KCTD1: variants seen among roughly 807,000 people sequenced by gnomAD.
The protein encoded by KCTD1 is potassium channel tetramerization domain containing 1, also known as BTB/POZ domain-containing protein KCTD1.
A neutral mutation model predicts 66.0 loss-of-function variants in KCTD1; 24 were observed. The observed-to-expected ratio is 0.36, with a 90% CI of 0.26 to 0.51. KCTD1 has a LOEUF of 0.51. Ranked by LOEUF, KCTD1 falls within the 20% of genes least tolerant of loss-of-function variation. KCTD1 has a pLI of 0.95. For synonymous variants in KCTD1, 511 were observed against 517.2 expected (o/e 0.99, Z 0.16); for missense variants, 943 against 1,205.2 (o/e 0.78, Z 3.22).
intron 1 of KCTD1, among the ~76,000 whole-genome samples, chr18:26,533,909 G>A (rs903886825): frequency 6.7e-6 from 1 of 149,974 alleles, no homozygotes; most frequent in African/African-American, 2.5e-5. Flanking sequence ...AATAATAAAA[G>A]TATAAGAGGT....
At chr18:26,536,314 GA>G (rs1984707443) in intron 1 of KCTD1, among the ~76,000 whole-genome samples, 1 of 152,220 alleles carries the variant, frequency 6.6e-6, no homozygotes, top group Non-Finnish European at 1.5e-5. Flanking sequence ...ACAACAGGGT[GA>G]ACATTTAGAG....
intron 1 of KCTD1, among the ~76,000 whole-genome samples, chr18:26,651,025 G>A (rs150770404): frequency 1.1e-4 from 17 of 152,342 alleles, no homozygotes; most frequent in Non-Finnish European, 2.2e-4. Context: ...GTACTTGTGA[G>A]CAAACGATTT....
At chr18:26,462,109 C>T (rs1444337704) in intron 3 of KCTD1, among the ~76,000 whole-genome samples, 1 of 152,238 alleles carries the variant, frequency 6.6e-6, no homozygotes, top group Non-Finnish European at 1.5e-5. Flanking sequence ...TCTAGGTTCA[C>T]AAGCCACTTG....
At chr18:26,527,281 T>C (rs1267372499) in intron 1 of KCTD1, among the ~76,000 whole-genome samples, 1 of 152,108 alleles carries the variant, frequency 6.6e-6, no homozygotes, top group Non-Finnish European at 1.5e-5. Flanking sequence ...GGAGAGCAAC[T>C]AACAGAAGAA....
chr18:26,542,812 A>T (rs1985036632), intron 1 of KCTD1, among the ~76,000 whole-genome samples: 1 of 152,216 alleles, frequency 6.6e-6, no homozygotes, highest in Non-Finnish European at 1.5e-5. Flanking sequence ...TTCATGGGTC[A>T]GCTTGAGTAC....
At chr18:26,531,843 C>T (rs1326941965) in intron 1 of KCTD1, among the ~76,000 whole-genome samples, 1 of 152,176 alleles carries the variant, frequency 6.6e-6, no homozygotes, top group Non-Finnish European at 1.5e-5. Context: ...TCTCATTCTC[C>T]AAAGCTAATC....
At chr18:26,631,219 A>G (rs551786537), upstream of KCTD1, among the ~76,000 whole-genome samples, 124 of 152,236 alleles carry the variant, frequency 8.1e-4, 1 homozygote, top group Non-Finnish European at 1.6e-3. Context: ...GGAAATTAAC[A>G]TATCATTACA....
chr18:26,514,071 TTATATCTTTTATTGTTCTAGAATATTAG>T (rs1983499715), intron 1 of KCTD1, among the ~76,000 whole-genome samples: 1 of 152,222 alleles, frequency 6.6e-6, no homozygotes, highest in African/African-American at 2.4e-5. Flanking sequence ...ATTTACTTAT[TTATATCTTTTATTGTTCTAGAATATTAG>T]TCTGAAAGCA....
At chr18:26,556,615 G>A (rs1380601546) in intron 1 of KCTD1, among the ~76,000 whole-genome samples, 1 of 152,242 alleles carries the variant, frequency 6.6e-6, no homozygotes, top group Non-Finnish European at 1.5e-5. Flanking sequence ...ATGCATCATA[G>A]TTCTTTCTTG....
At chr18:26,513,395 G>A (rs112756417) in intron 1 of KCTD1, among the ~76,000 whole-genome samples, 17 of 152,038 alleles carry the variant, frequency 1.1e-4, no homozygotes, top group East Asian at 7.7e-4. Context: ...CCTCCAGGGT[G>A]TATTATTTTT....
Position 26,548,537 on chromosome 18 carries a change from A to G in KCTD1, c.-1T>C. 8.1e-7 allele frequency: 1 copy of G among 1,229,918 alleles called. No individual in the cohort carries two copies. Among genetic ancestry groups the G allele is most frequent in the Non-Finnish European group, 1.0e-6 (1 of 989,792 alleles). The allele number at this position is 1,229,918 out of a possible 1,614,324, so 76.2% of individuals were successfully genotyped here. A position where few individuals can be genotyped will look rare whatever the true frequency, so the allele number is the denominator to read the frequency against. ...CCCCGCTGCCAGGCATTCTCGCCAT[A>G]TTGCCGTCTCTCTGCCAGTCCTCGG... On this transcript the variant is annotated 5_prime_UTR_variant, in exon 1 of 5. Transcript: ENST00000580059.
intron 1 of KCTD1, chr18:26,543,269 AAAGGCAGT>A (rs1985060429): frequency 6.6e-6 from 1 of 152,226 alleles, no homozygotes; most frequent in Non-Finnish European, 1.5e-5. Flanking sequence ...CCACTCTTTA[AAAGGCAGT>A]TAATCTTAAT....
chr18:26,468,135 C>T lies in KCTD1; in HGVS notation c.2134-8210G>A, dbSNP rs1451771788. 2.0e-5 allele frequency among the ~76,000 whole-genome samples: 3 copies of T among 152,200 alleles called. No homozygotes were observed. Among genetic ancestry groups the T allele is most frequent in the Admixed American group, 1.3e-4 (2 of 15,282 alleles). The stretch of plus-strand genomic sequence containing the variant: ...GTGTGTGTGTGCCTATGCATGCGTA[C>T]ACGCTCATGTGCAGGGCATAAAACA... On this transcript the variant is annotated intron_variant, in intron 3 of 4. Coordinates refer to ENST00000580059, the MANE Select transcript of KCTD1 (RefSeq NM_001142730.3). This position sits in a 1 kb window ranked among gnomAD's most constrained non-coding sequence, Gnocchi z 4.8.
intron 3 of KCTD1, among the ~76,000 whole-genome samples, chr18:26,467,012 T>C (rs1045315433): frequency 1.1e-4 from 17 of 152,016 alleles, no homozygotes; most frequent in African/African-American, 3.9e-4. Flanking sequence ...TTAGAGGAAA[T>C]AATTTTTTTT....
Position 26,548,181 on chromosome 18 carries a change from G to A in KCTD1, c.356C>T (p.Pro119Leu), listed in dbSNP as rs1232679587. 5 of 1,495,226 alleles carry A rather than the reference G, an allele frequency of 3.3e-6. No individual in the cohort carries two copies. The highest frequency in any genetic ancestry group is 4.4e-6 in the Non-Finnish European group (5 of 1,125,224). The allele number at this position is 1,495,226 out of a possible 1,614,324, so 92.6% of individuals were successfully genotyped here. A position where few individuals can be genotyped will look rare whatever the true frequency, so the allele number is the denominator to read the frequency against. The change falls in exon 1 of 5, where the codon CCG becomes CTG. Residue 119 changes from proline (P) to leucine (L), a missense_variant. Coordinates refer to ENST00000580059, the MANE Select transcript of KCTD1 (RefSeq NM_001142730.3). ...CTGGTCCATATTGATCATATGGACC[G>A]GCTCGGGCTCCAGCTCCTCCCCGGC... The part of the protein sequence containing the change: ...DSAGEELEPE[P>L]VHMINMDQSA...
At chr18:26,465,662 C>T (rs898857347) in intron 3 of KCTD1, among the ~76,000 whole-genome samples, 4 of 152,248 alleles carry the variant, frequency 2.6e-5, no homozygotes, top group Admixed American at 2.6e-4. Flanking sequence ...GTGACCGTGT[C>T]AGGGTGCTGA....
At chr18:26,602,604 T>G (rs975244575) in intron 1 of KCTD1, among the ~76,000 whole-genome samples, 18 of 152,224 alleles carry the variant, frequency 1.2e-4, no homozygotes, top group Middle Eastern at 3.4e-3. Context: ...TCTTCCAGAG[T>G]CTCATCACAC....
At chr18:26,657,083 C>T (rs1333764917) in intron 1 of KCTD1, among the ~76,000 whole-genome samples, 1 of 151,638 alleles carries the variant, frequency 6.6e-6, no homozygotes, top group Non-Finnish European at 1.5e-5. Flanking sequence ...TGGCCGCACC[C>T]GCTCCTCCTG....
rs113592666 is a variant in KCTD1, at chr18:26,590,937, C to T, written c.-16+38210G>A. ...CCTGATGGTGAACCCCAAATCATTG[C>T]TGCTTGTTTGACACACCAGGAATGC... On this transcript the variant is annotated intron_variant, in intron 1 of 4. Coordinates refer to the KCTD1 transcript ENST00000317932. Among the ~76,000 whole-genome samples, 249 of 152,216 alleles carry T rather than the reference C, an allele frequency of 1.6e-3. 1 individual carries two copies. The highest frequency in any genetic ancestry group is 2.5e-3 in the Non-Finnish European group (172 of 68,018).
Sources: allele counts gnomAD v4.1 joint callset (sites outside exome capture counted in the v4.1 genomes callset), GRCh38; gene constraint gnomAD v4.1.1; non-coding constraint Gnocchi (gnomAD v3.1); transcripts MANE v1.5; gene names NCBI Gene and HGNC (gene_info 2026-07-23, HGNC 2026-07-21).